MMP16: variants seen among roughly 807,000 people sequenced by gnomAD.
The protein encoded by MMP16 is matrix metalloproteinase-16.
A neutral mutation model predicts 67.8 loss-of-function variants in MMP16; 12 were observed. The ratio of observed to expected loss-of-function variants is 0.18; its 90% CI spans 0.11 to 0.29. The LOEUF (loss-of-function observed/expected upper bound fraction) is 0.29, where lower values mean the gene tolerates loss of function less well. Ranked by LOEUF, MMP16 falls within the 10% of genes least tolerant of loss-of-function variation. The probability of loss-of-function intolerance (pLI) is 1.00; values close to 1 mark genes in which losing one functional copy is unlikely to be tolerated. For missense variants in MMP16, 475 were observed against 765.7 expected (o/e 0.62, Z 4.48); for synonymous variants, 249 against 255.9 (o/e 0.97, Z 0.26).
intron 1 of MMP16, among the ~76,000 whole-genome samples, chr8:88,250,925 C>T (rs532388259): frequency 7.0e-6 from 1 of 142,846 alleles, no homozygotes; most frequent in South Asian, 2.6e-4. Context: ...TATCCCTCCC[C>T]CCTCCCCCTA....
intron 1 of MMP16, among the ~76,000 whole-genome samples, chr8:88,235,779 C>T (rs1013665062): frequency 2.6e-5 from 4 of 152,106 alleles, no homozygotes; most frequent in Non-Finnish European, 5.9e-5. Flanking sequence ...ATGCTCCCTA[C>T]ATACTTCCAA....
Position 88,038,390 on chromosome 8 carries a change from C to G in MMP16, c.*3071G>C. ...CAGAATTCAAGCATAATGATAGACTCCTTCCTTCTTAATGCTATGATTATT... is the reference window on the plus strand; with the variant it reads ...CAGAATTCAAGCATAATGATAGACTGCTTCCTTCTTAATGCTATGATTATT... On this transcript the variant is annotated 3_prime_UTR_variant, in exon 10 of 10. Coordinates refer to ENST00000286614, the MANE Select transcript of MMP16 (RefSeq NM_005941.5). The surrounding 1 kb of genome is among the most constrained non-coding windows in gnomAD (Gnocchi z 4.1). 1 of 152,428 alleles carries G rather than the reference C, an allele frequency of 6.6e-6. No individual in the cohort carries two copies. Among genetic ancestry groups the G allele is most frequent in the East Asian group, 1.9e-4 (1 of 5,198 alleles). 9.4% of individuals were successfully genotyped at this position (152,428 alleles called of 1,614,324 possible).
chr8:88,283,018 T>C (rs1308314792), intron 1 of MMP16, among the ~76,000 whole-genome samples: 2 of 150,258 alleles, frequency 1.3e-5, no homozygotes, highest in Non-Finnish European at 3.0e-5. Flanking sequence ...ATATGGACTT[T>C]TGATATAAGG....
At chr8:88,254,153 CT>C (rs1196550951) in intron 1 of MMP16, among the ~76,000 whole-genome samples, 1 of 152,042 alleles carries the variant, frequency 6.6e-6, no homozygotes, top group African/African-American at 2.4e-5. Context: ...AGATCATGTC[CT>C]TTGCAGGGAC....
At chr8:88,281,762 C>T (rs1029608505) in intron 1 of MMP16, among the ~76,000 whole-genome samples, 2 of 152,156 alleles carry the variant, frequency 1.3e-5, no homozygotes, top group African/African-American at 4.8e-5. Flanking sequence ...CCCCAGCCCA[C>T]CATGTTTTCT....
At chr8:88,191,476 T>C (rs1809168111) in intron 2 of MMP16, among the ~76,000 whole-genome samples, 1 of 152,194 alleles carries the variant, frequency 6.6e-6, no homozygotes, top group South Asian at 2.1e-4. Context: ...GTGGTAGTCA[T>C]GGTAGAAGCA....
At chr8:88,064,592 C>T (rs1020565583) in intron 7 of MMP16, among the ~76,000 whole-genome samples, 2 of 152,140 alleles carry the variant, frequency 1.3e-5, no homozygotes, top group East Asian at 1.9e-4. Context: ...TACACTCACA[C>T]TGTAGGTGCC....
At chr8:88,107,920 T>A (rs1809269886) in intron 6 of MMP16, among the ~76,000 whole-genome samples, 1 of 151,150 alleles carries the variant, frequency 6.6e-6, no homozygotes, top group African/African-American at 2.4e-5. Flanking sequence ...AATGTCTCTC[T>A]TTCTCATATG....
intron 5 of MMP16, among the ~76,000 whole-genome samples, chr8:88,118,194 G>A (rs1199916595): frequency 2.6e-5 from 4 of 151,914 alleles, no homozygotes; most frequent in African/African-American, 7.3e-5. Flanking sequence ...ATCATTATAT[G>A]ACTTTGGGGT....
Position 88,034,497 on chromosome 8 carries a change from T to G in MMP16, c.*6964A>C, listed in dbSNP as rs1808029448. The G allele has an allele frequency of 6.6e-6, 1 of 152,328 alleles. No homozygotes were observed. The highest frequency in any genetic ancestry group is 2.1e-4 in the South Asian group (1 of 4,822). 9.4% of individuals were successfully genotyped at this position (152,328 alleles called of 1,614,324 possible). A position where few individuals can be genotyped will look rare whatever the true frequency, so the allele number is the denominator to read the frequency against. ...ATGAACATATAAAGGAATAATTGAT[T>G]CCACATCAGCTGTAAAAGAAGTAAA... On this transcript the variant is annotated 3_prime_UTR_variant, in exon 10 of 10. Transcript: ENST00000286614.
In MMP16 at chr8:88,248,538, T is replaced by C. The variant is rs185421982; in HGVS notation, c.133-51232A>G. Among the ~76,000 whole-genome samples the C allele has an allele frequency of 3.4e-3, 520 of 152,120 alleles. 5 individuals are homozygous for C. Among genetic ancestry groups the C allele is most frequent in the African/African-American group, 0.012 (494 of 41,528 alleles). ...TAAGATCCTCATCAATGGCAGAGATTTCCATGAGCTCCCCTCCTTCTTCTT... is the reference window on the plus strand; with the variant it reads ...TAAGATCCTCATCAATGGCAGAGATCTCCATGAGCTCCCCTCCTTCTTCTT... On this transcript the variant is annotated intron_variant, in intron 1 of 9. Transcript: ENST00000286614.
Position 88,283,835 on chromosome 8 carries a change from G to A in MMP16, c.132+43240C>T, listed in dbSNP as rs181715530. Reference sequence around the variant, plus strand: ...GATATATTTTCTTCTGCTAAGAGAGGTAACACCCACATAAGCTGCTCACTG... The same window carrying A: ...GATATATTTTCTTCTGCTAAGAGAGATAACACCCACATAAGCTGCTCACTG... On this transcript the variant is annotated intron_variant, in intron 1 of 9. Coordinates refer to ENST00000286614, the MANE Select transcript of MMP16 (RefSeq NM_005941.5). 2.4e-3 allele frequency among the ~76,000 whole-genome samples: 358 copies of A among 152,106 alleles called. 2 individuals carry two copies. In the Middle Eastern group the frequency reaches 0.027, roughly 12 times the overall value.
chr8:88,129,606 G>GT (rs1807992876), intron 4 of MMP16, among the ~76,000 whole-genome samples: 1 of 151,106 alleles, frequency 6.6e-6, no homozygotes, highest in Non-Finnish European at 1.5e-5. Context: ...AGAAAAGGTT[G>GT]TTTTTTCTAT....
intron 1 of MMP16, among the ~76,000 whole-genome samples, chr8:88,210,957 A>G (rs1304207301): frequency 6.6e-6 from 1 of 152,152 alleles, no homozygotes; most frequent in Non-Finnish European, 1.5e-5. Flanking sequence ...TGAGATTGGT[A>G]TTATTATCTT....
At chr8:88,080,008 T>C (rs1227746372) in intron 6 of MMP16, among the ~76,000 whole-genome samples, 1 of 152,228 alleles carries the variant, frequency 6.6e-6, no homozygotes, top group Admixed American at 6.5e-5. Flanking sequence ...ATTCTTGTAC[T>C]ATCTCATGGT....
At chr8:88,180,061 C>G (rs557735749) in intron 3 of MMP16, among the ~76,000 whole-genome samples, 2 of 152,240 alleles carry the variant, frequency 1.3e-5, no homozygotes, top group Non-Finnish European at 2.9e-5. Flanking sequence ...GCAGGCGGAT[C>G]ACCTGAGGTT....
At chr8:88,183,712 C>CTTTTTTTTTT (rs71277981) in intron 3 of MMP16, among the ~76,000 whole-genome samples, 7 of 92,104 alleles carry the variant, frequency 7.6e-5, no homozygotes, top group Non-Finnish European at 1.2e-4. Flanking sequence ...AAATGTCCTT[C>CTTTTTTTTTT]TTTTTTTTTT....
chr8:88,225,221 A>C (rs1404558450), intron 1 of MMP16, among the ~76,000 whole-genome samples: 1 of 152,010 alleles, frequency 6.6e-6, no homozygotes, highest in African/African-American at 2.4e-5. Flanking sequence ...AAATGCACTA[A>C]GAGAAAACAG....
At chr8:88,289,366 T>C (rs1181850775) in intron 1 of MMP16, among the ~76,000 whole-genome samples, 2 of 152,148 alleles carry the variant, frequency 1.3e-5, no homozygotes, top group African/African-American at 2.4e-5. Flanking sequence ...TTAAAGGCCA[T>C]TTAAAAAGCC....
Sources: gnomAD v4.1 joint callset for allele counts (sites outside exome capture counted in the v4.1 genomes callset) on GRCh38, gnomAD v4.1.1 for gene constraint, Gnocchi (gnomAD v3.1) non-coding constraint, MANE v1.5 for transcripts, NCBI Gene and HGNC (gene_info 2026-07-23, HGNC 2026-07-21) for gene names.